Variants in VPS45 observed in about 807,000 individuals in gnomAD.
VPS45 encodes vacuolar protein sorting 45 homolog, also known as vacuolar protein sorting-associated protein 45.
Under a neutral mutation model 75.9 loss-of-function variants are expected in VPS45, and 35 were observed. The observed-to-expected ratio is 0.46, with a 90% CI of 0.35 to 0.61. The LOEUF (loss-of-function observed/expected upper bound fraction) is 0.61. Ranked by LOEUF, VPS45 falls within the 20% of genes least tolerant of loss-of-function variation. The probability of loss-of-function intolerance (pLI) is 0.00; values close to 1 mark genes in which losing one functional copy is unlikely to be tolerated. For synonymous variants in VPS45, 220 were observed against 238.2 expected (o/e 0.92, Z 0.70); for missense variants, 559 against 685.9 (o/e 0.81, Z 2.07).
intron 13 of VPS45, among the ~76,000 whole-genome samples, chr1:150,103,537 A>T (rs587705737): frequency 1.3e-5 from 2 of 152,148 alleles, no homozygotes. Context: ...TTGTCCTTAC[A>T]TGTATATAAC....
intron 14 of VPS45, among the ~76,000 whole-genome samples, chr1:150,124,747 T>TG (rs1190524718): frequency 6.8e-6 from 1 of 147,992 alleles, no homozygotes; most frequent in East Asian, 2.0e-4. Context: ...TTAGTAGAGA[T>TG]GGGGTTTCAC....
intron 7 of VPS45, among the ~76,000 whole-genome samples, chr1:150,078,685 C>T (rs1553798645): frequency 6.6e-6 from 1 of 151,956 alleles, no homozygotes; most frequent in Non-Finnish European, 1.5e-5. Context: ...TCATTTGAAC[C>T]CAGGAGGCGA....
chr1:150,075,101 T>C lies in VPS45; in HGVS notation c.290-1132T>C, dbSNP rs749544533. Among the ~76,000 whole-genome samples the C allele has an allele frequency of 1.1e-4, 16 of 143,720 alleles. 1 individual carries two copies. The highest frequency in any genetic ancestry group is 1.7e-4 in the African/African-American group (6 of 35,060). 94.3% of individuals were successfully genotyped at this position (143,720 alleles called of 152,430 possible). On this transcript the variant is annotated intron_variant, in intron 3 of 14. Coordinates refer to ENST00000644510, the MANE Select transcript of VPS45 (RefSeq NM_007259.5). ...GCTGGTCTTGAACTCTTAGTACCAT[T>C]TTCAAATAACCATTCAGCGTTCAAA...
chr1:150,076,100 G>A lies in VPS45; in HGVS notation c.290-133G>A, dbSNP rs1475191324. On this transcript the variant is annotated intron_variant, in intron 3 of 14. Coordinates refer to ENST00000644510, the MANE Select transcript of VPS45 (RefSeq NM_007259.5). ...TATATATATAAAATTATGAATTTGT[G>A]GATTAAATATATTTTTGCTACCCAT... 1.8e-5 allele frequency: 5 copies of A among 277,810 alleles called. No homozygotes were observed. In the East Asian group the frequency reaches 2.8e-4, roughly 15 times the overall value. The allele number at this position is 277,810 out of a possible 1,614,324, so 17.2% of individuals were successfully genotyped here.
chr1:150,138,313 G>T (rs1659219416), intron 14 of VPS45, among the ~76,000 whole-genome samples: 1 of 152,084 alleles, frequency 6.6e-6, no homozygotes, highest in Non-Finnish European at 1.5e-5. Context: ...TGCGCAGGCT[G>T]GTCGTTGTTA....
At chr1:150,089,297 A>G (rs1221580291) in intron 10 of VPS45, among the ~76,000 whole-genome samples, 2 of 152,204 alleles carry the variant, frequency 1.3e-5, no homozygotes, top group African/African-American at 4.8e-5. Flanking sequence ...CATTGTGCCT[A>G]TAAGAAAAGT....
intron 14 of VPS45, among the ~76,000 whole-genome samples, chr1:150,137,368 A>T (rs1559947567): frequency 6.6e-6 from 1 of 152,208 alleles, no homozygotes; most frequent in African/African-American, 2.4e-5. Flanking sequence ...ACTTTATACT[A>T]AGGATGAAGA....
rs2101569819 is a variant in VPS45, at chr1:150,093,453, TG to T, written c.1372-73del. 1.9e-6 allele frequency: 3 copies of T among 1,539,756 alleles called. No individual in the cohort carries two copies. In the South Asian group the frequency reaches 3.7e-5, roughly 19 times the overall value. ...TCTCTATTGAGTGTATGTCCTTTTC[TG>T]ATATGAATATTATTAATTCTTGTGT... On this transcript the variant is annotated intron_variant, in intron 12 of 14. Coordinates refer to ENST00000644510, the MANE Select transcript of VPS45 (RefSeq NM_007259.5).
chr1:150,068,703 AT>A lies in VPS45; in HGVS notation c.169del (p.Ser57LeufsTer7). On this transcript the variant is annotated frameshift_variant, in exon 2 of 15. Transcript: ENST00000644510. LOFTEE classifies it high-confidence loss of function. Reference protein sequence around the residue: ...QKEVYLFERIDSQNREIMKHL... With the variant: ...QKEVYLFERIXSQNREIMKHL... The stretch of plus-strand genomic sequence containing the variant: ...GAAGTGTACCTCTTTGAACGCATTG[AT>A]TCTCAAAATCGAGAGATCATGAAAC... 6.2e-7 allele frequency: 1 copy of A among 1,613,428 alleles called. No homozygotes were observed. Among genetic ancestry groups the A allele is most frequent in the Non-Finnish European group, 8.5e-7 (1 of 1,179,672 alleles).
intron 13 of VPS45, among the ~76,000 whole-genome samples, chr1:150,095,831 A>AT (rs780383852): frequency 3.0e-4 from 45 of 151,550 alleles, no homozygotes; most frequent in African/African-American, 9.9e-4. Context: ...TAGTAAAGAG[A>AT]TTTTTTTTTA....
At chr1:150,140,386 GGTGTGTGTGTGTGTGTGTGTGTGT>G (rs574312693) in intron 14 of VPS45, among the ~76,000 whole-genome samples, 1 of 140,346 alleles carries the variant, frequency 7.1e-6, no homozygotes, top group African/African-American at 2.7e-5. Context: ...CATCACTTCT[GGTGTGTGTGTGTGTGTGTGTGTGT>G]GTGTGTGTGT....
chr1:150,123,293 A>G (rs1281628784), intron 14 of VPS45, among the ~76,000 whole-genome samples: 1 of 152,154 alleles, frequency 6.6e-6, no homozygotes, highest in African/African-American at 2.4e-5. Context: ...GGATGTTTCC[A>G]TCCTTTGGCT....
chr1:150,105,948 G>A (rs1657301890), intron 13 of VPS45, among the ~76,000 whole-genome samples: 2 of 152,030 alleles, frequency 1.3e-5, no homozygotes, highest in Admixed American at 1.3e-4. Flanking sequence ...CAGAAATAAA[G>A]CCACATACCT....
intron 14 of VPS45, among the ~76,000 whole-genome samples, chr1:150,137,027 T>C (rs1002784481): frequency 3.3e-5 from 5 of 152,138 alleles, no homozygotes; most frequent in Non-Finnish European, 7.4e-5. Context: ...GCCTCCCAAA[T>C]AGCTGGGACC....
chr1:150,095,360 TC>T (rs1656563099), intron 13 of VPS45, among the ~76,000 whole-genome samples: 1 of 152,140 alleles, frequency 6.6e-6, no homozygotes, highest in Admixed American at 6.5e-5. Context: ...ACGCCTGTAA[TC>T]CCAACACTTT....
At chr1:150,122,137 A>G (rs890740365) in intron 14 of VPS45, among the ~76,000 whole-genome samples, 3 of 152,150 alleles carry the variant, frequency 2.0e-5, no homozygotes, top group Non-Finnish European at 4.4e-5. Context: ...TCTGGCCAAC[A>G]TGGCGAAACC....
intron 10 of VPS45, among the ~76,000 whole-genome samples, chr1:150,089,007 A>G (rs1553801369): frequency 1.3e-5 from 2 of 152,232 alleles, no homozygotes; most frequent in Non-Finnish European, 2.9e-5. Context: ...TAATGGCTGT[A>G]CTAATTTACA....
At chr1:150,117,453 C>T (rs888093084) in intron 14 of VPS45, among the ~76,000 whole-genome samples, 5 of 151,824 alleles carry the variant, frequency 3.3e-5, no homozygotes, top group East Asian at 3.9e-4. Context: ...ACCTGGGAGG[C>T]GGAGGTTGCA....
intron 14 of VPS45, among the ~76,000 whole-genome samples, chr1:150,127,321 A>AT (rs782667721): frequency 0.97 from 144,405 of 148,416 alleles, 70,246 homozygotes; most frequent in East Asian, 1. Context: ...AGTGAAGCAG[A>AT]TTTTTTTTTT....
Sources: allele counts gnomAD v4.1 joint callset (sites outside exome capture counted in the v4.1 genomes callset), GRCh38; gene constraint gnomAD v4.1.1; transcripts MANE v1.5; gene names NCBI Gene and HGNC (gene_info 2026-07-23, HGNC 2026-07-21).